SDK1: variants seen among roughly 807,000 people sequenced by gnomAD.
SDK1 encodes the protein protein sidekick-1.
A neutral mutation model predicts 245.5 loss-of-function variants in SDK1; 157 were observed. The ratio of observed to expected loss-of-function variants is 0.64; its 90% confidence interval spans 0.56 to 0.73. SDK1 has a LOEUF of 0.73. SDK1 is among the 30% of genes least tolerant of loss of function. The pLI is 0.00. For missense variants in SDK1, 3,583 were observed against 3,002.3 expected (o/e 1.19, Z -4.52); for synonymous variants, 1,647 against 1,278.5 (o/e 1.29, Z -6.15).
At chr7:3,541,080 G>A (rs1039272885) in intron 1 of SDK1, among the ~76,000 whole-genome samples, 6 of 152,132 alleles carry the variant, frequency 3.9e-5, no homozygotes, top group Non-Finnish European at 7.3e-5. Context: ...AATCATTTCC[G>A]TTTTCTAAAC....
intron 1 of SDK1, among the ~76,000 whole-genome samples, chr7:3,614,441 T>C (rs998762707): frequency 1.3e-5 from 2 of 152,218 alleles, no homozygotes; most frequent in Non-Finnish European, 2.9e-5. Context: ...ATGTGGGCCA[T>C]TGGCTTTTCC....
intron 32 of SDK1, among the ~76,000 whole-genome samples, chr7:4,170,578 C>T (rs997353179): frequency 2.6e-5 from 4 of 152,204 alleles, no homozygotes; most frequent in Non-Finnish European, 5.9e-5. Context: ...GCTTTCATCA[C>T]GACACTGTCG....
rs940743581 is a variant in SDK1 at position 3,602,363 on chromosome 7, T to C, written c.299-16717T>C. 2.3e-3 allele frequency among the ~76,000 whole-genome samples: 340 copies of C among 150,124 alleles called. 3 individuals are homozygous for C. Among genetic ancestry groups the C allele is most frequent in the African/African-American group, 8.1e-3 (325 of 40,032 alleles). On this transcript the variant is annotated intron_variant, in intron 1 of 44. Coordinates refer to ENST00000404826, the MANE Select transcript of SDK1 (RefSeq NM_152744.4). ...TGTTGTTTCCTGACTTTTTAATGATTGCTATTCTAACTGGTGTGAGATGGT... is the reference window on the plus strand; with the variant it reads ...TGTTGTTTCCTGACTTTTTAATGATCGCTATTCTAACTGGTGTGAGATGGT...
chr7:3,606,259 G>A (rs1562597118), intron 1 of SDK1, among the ~76,000 whole-genome samples: 1 of 152,068 alleles, frequency 6.6e-6, no homozygotes, highest in Non-Finnish European at 1.5e-5. Flanking sequence ...TAGGCCCCAG[G>A]TCTGATCAAC....
At chr7:4,202,491 G>A (rs1783945706) in intron 35 of SDK1, among the ~76,000 whole-genome samples, 2 of 152,226 alleles carry the variant, frequency 1.3e-5, no homozygotes, top group Non-Finnish European at 2.9e-5. Context: ...TCTCCAGAAA[G>A]TGAGTTGTTT....
chr7:3,514,877 C>A (rs181297808), intron 1 of SDK1, among the ~76,000 whole-genome samples: 1 of 152,168 alleles, frequency 6.6e-6, no homozygotes, highest in Non-Finnish European at 1.5e-5. Context: ...TGCGTGCATG[C>A]GTGCGCTCTC....
intron 18 of SDK1, among the ~76,000 whole-genome samples, chr7:4,050,499 G>A (rs974051688): frequency 4.6e-5 from 7 of 152,212 alleles, no homozygotes; most frequent in Non-Finnish European, 1.0e-4. Flanking sequence ...GTGTAAATAC[G>A]CTTTGCGTCC....
chr7:3,739,795 T>C (rs889833811), intron 4 of SDK1, among the ~76,000 whole-genome samples: 2 of 152,186 alleles, frequency 1.3e-5, no homozygotes, highest in African/African-American at 4.8e-5. Context: ...TTTTCCCCCG[T>C]GTATGCTCCA....
intron 38 of SDK1, among the ~76,000 whole-genome samples, chr7:4,215,373 G>A (rs1784737465): frequency 6.6e-6 from 1 of 152,264 alleles, no homozygotes; most frequent in Non-Finnish European, 1.5e-5. Flanking sequence ...ACTCTGCGCT[G>A]GGCCACGGGA....
intron 1 of SDK1, among the ~76,000 whole-genome samples, chr7:3,478,833 T>C (rs1781424709): frequency 6.6e-6 from 1 of 152,084 alleles, no homozygotes. Context: ...AACATTTAAA[T>C]GTGTACGTTT....
chr7:4,265,232 G>A lies in SDK1; in HGVS notation c.6490G>A (p.Ala2164Thr), dbSNP rs764664080. The change falls in exon 45 of 45, where the codon GCA (alanine) becomes ACA (threonine). Residue 2164 changes from alanine to threonine, a missense_variant. Physicochemically the swap from Ala to Thr is moderately conservative, Grantham distance 58. Coordinates refer to ENST00000404826, the MANE Select transcript of SDK1 (RefSeq NM_152744.4). Reference protein sequence around the residue: ...NSWKRRAQGRAPAPHRYEAVA... With the variant: ...NSWKRRAQGRTPAPHRYEAVA... ...ATGGAAGCGCAGGGCCCAGGGCCGC[G>A]CACCTGCGCCGCACAGGTACGAGGC... 3.1e-6 allele frequency: 5 copies of A among 1,608,130 alleles called. No individual in the cohort carries two copies. The highest frequency in any genetic ancestry group is 4.2e-6 in the Non-Finnish European group (5 of 1,179,300).
chr7:3,681,127 C>T (rs948712194), intron 4 of SDK1, among the ~76,000 whole-genome samples: 2 of 152,192 alleles, frequency 1.3e-5, no homozygotes, highest in African/African-American at 4.8e-5. Flanking sequence ...CAGGCGTGAG[C>T]CACCGCGCCC....
At chr7:3,904,368 A>G (rs1320434075) in intron 5 of SDK1, among the ~76,000 whole-genome samples, 1 of 152,180 alleles carries the variant, frequency 6.6e-6, no homozygotes, top group African/African-American at 2.4e-5. Flanking sequence ...AGGAAGTGCT[A>G]CACAACCTGG....
At chr7:3,462,723 CTG>C (rs1280203343) in intron 1 of SDK1, among the ~76,000 whole-genome samples, 5 of 152,254 alleles carry the variant, frequency 3.3e-5, no homozygotes, top group African/African-American at 1.2e-4. Flanking sequence ...TCAAACACCT[CTG>C]TGATCTCTCC....
chr7:4,229,211 GC>G (rs1411188595), intron 40 of SDK1, among the ~76,000 whole-genome samples: 2 of 152,150 alleles, frequency 1.3e-5, no homozygotes, highest in Non-Finnish European at 1.5e-5. Context: ...TAGAGTGGAC[GC>G]CTTACCAGCT....
chr7:3,586,592 C>G (rs867830842), intron 1 of SDK1, among the ~76,000 whole-genome samples: 1 of 150,354 alleles, frequency 6.7e-6, no homozygotes, highest in Admixed American at 6.6e-5. Context: ...GTAGTCCTAG[C>G]TACTCGGGAG....
At chr7:3,918,734 C>G (rs1304144035) in intron 5 of SDK1, among the ~76,000 whole-genome samples, 2 of 152,208 alleles carry the variant, frequency 1.3e-5, no homozygotes, top group South Asian at 2.1e-4. Context: ...CCCTGAAGCA[C>G]TCAGGAGACA....
At chr7:3,711,554 G>A (rs1336972236) in intron 4 of SDK1, among the ~76,000 whole-genome samples, 1 of 152,226 alleles carries the variant, frequency 6.6e-6, no homozygotes, top group Non-Finnish European at 1.5e-5. Context: ...AGCTTCCTAA[G>A]TATAAGAAGG....
intron 4 of SDK1, among the ~76,000 whole-genome samples, chr7:3,763,299 C>G (rs6976818): frequency 0.02 from 3,114 of 152,170 alleles, 101 homozygotes; most frequent in African/African-American, 0.073. Context: ...TAGCAAAATA[C>G]AGAAGTCTTA....
Sources: allele counts gnomAD v4.1 joint callset (sites outside exome capture counted in the v4.1 genomes callset), GRCh38; gene constraint gnomAD v4.1.1; transcripts MANE v1.5; gene names NCBI Gene and HGNC (gene_info 2026-07-23, HGNC 2026-07-21).